ZC3HAV1: variants seen among roughly 807,000 people sequenced by gnomAD.
The protein encoded by ZC3HAV1 is zinc finger CCCH-type containing, antiviral 1, also known as zinc finger CCCH-type antiviral protein 1.
In ZC3HAV1, 41 loss-of-function variants were observed where a neutral mutation model predicts 86.6. That is an observed-to-expected ratio of 0.47 (90% CI 0.37 to 0.61). ZC3HAV1 has a LOEUF of 0.61. ZC3HAV1 is among the 20% of genes least tolerant of loss of function. The pLI is 0.00. For synonymous variants in ZC3HAV1, 421 were observed against 432.1 expected (o/e 0.97, Z 0.32); for missense variants, 964 against 1,141.1 (o/e 0.84, Z 2.24).
intron 3 of ZC3HAV1, among the ~76,000 whole-genome samples, chr7:139,082,943 A>T (rs932640173): frequency 6.6e-6 from 1 of 152,070 alleles, no homozygotes; most frequent in Non-Finnish European, 1.5e-5. Context: ...TCAATAATAA[A>T]TTTTCTGTAT....
chr7:139,106,788 A>T (rs530018504), intron 1 of ZC3HAV1, among the ~76,000 whole-genome samples: 2 of 151,756 alleles, frequency 1.3e-5, no homozygotes, highest in East Asian at 3.9e-4. Flanking sequence ...TTAATAAAAC[A>T]TAGTTCTTAT....
chr7:139,064,862 C>A lies in ZC3HAV1; in HGVS notation c.1993+17G>T. 1 of 1,614,026 alleles carries A rather than the reference C, an allele frequency of 6.2e-7. No individual in the cohort carries two copies. Among genetic ancestry groups the A allele is most frequent in the South Asian group, 1.1e-5 (1 of 91,074 alleles). On this transcript the variant is annotated intron_variant, in intron 8 of 12. Transcript: ENST00000242351. ...GGATTTCAATGACACACAACACTGC[C>A]AAACACAGAAACCCACCTTGGAAAC... is the stretch of plus-strand genomic sequence containing the variant.
chr7:139,073,849 T>C lies in ZC3HAV1; in HGVS notation c.1872+7A>G. The C allele has an allele frequency of 6.2e-7, 1 of 1,608,324 alleles. No homozygotes were observed. Among genetic ancestry groups the C allele is most frequent in the Non-Finnish European group, 8.5e-7 (1 of 1,176,488 alleles). ...AAGAGCCCCCTACAAGGAGGAACAG[T>C]GCTCACCTCTTCTCCATACTGAATC... is the stretch of plus-strand genomic sequence containing the variant. On this transcript the variant is annotated splice_region_variant and intron_variant, in intron 7 of 12. Transcript: ENST00000242351.
At position 139,058,030 on chromosome 7, in the gene ZC3HAV1, G is replaced by A. The variant is rs546906667; in HGVS notation, c.2097-2735C>T. Among the ~76,000 whole-genome samples the A allele has an allele frequency of 7.9e-5, 12 of 152,106 alleles. No homozygotes were observed. In the South Asian group the frequency reaches 1.2e-3, roughly 16 times the overall value. ...ATGCCCATGAACAGTGACGTGTGCC[G>A]TAGTTCACTTCTATGTCCCACTGTA... On this transcript the variant is annotated intron_variant, in intron 9 of 12. Transcript: ENST00000242351.
rs749443380 is a variant in ZC3HAV1 at position 139,109,215 on chromosome 7, C to T, written c.117G>A (p.Glu39=). The part of the protein sequence containing the change: ...EIALSEPQLC[E]VLQVAGPDRF... ...GGTCGGGCCCGGCCACCTGCAGCAC[C>T]TCACAGAGCTGCGGCTCAGACAGCG... Residue 39 remains glutamate, a synonymous_variant, in exon 1 of 13, where the codon GAG becomes GAA. Coordinates refer to ENST00000242351, the MANE Select transcript of ZC3HAV1 (RefSeq NM_020119.4). The T allele has an allele frequency of 5.6e-6, 9 of 1,609,842 alleles. No homozygotes were observed. The South Asian group carries it at 8.9e-5, about 16-fold the overall frequency.
chr7:139,082,383 T>C (rs997130747), intron 3 of ZC3HAV1, among the ~76,000 whole-genome samples: 10 of 151,370 alleles, frequency 6.6e-5, no homozygotes, highest in South Asian at 2.1e-4. Context: ...TTTGAACCCA[T>C]GTGCACTGCT....
intron 5 of ZC3HAV1, 29 bp downstream of exon 5, chr7:139,078,523 G>A: frequency 6.5e-7 from 1 of 1,532,154 alleles, no homozygotes. Flanking sequence ...AAAGGTGGAA[G>A]CTTACAGAAA....
Position 139,053,562 on chromosome 7 carries a change from C to G in ZC3HAV1, c.2338G>C (p.Glu780Gln), listed in dbSNP as rs1458989948. ...KFTWKKSQMK[E>Q]EGKLLFYATS... ...GCATAAAATAGGAGTTTTCCTTCTT[C>G]CTTCATCTGCGATTTCTTCCTAATA... is the stretch of plus-strand genomic sequence containing the variant. Residue 780 changes from glutamate (E) to glutamine (Q), a missense_variant, in exon 12 of 13, where the codon GAA becomes CAA. Physicochemically the swap from Glu to Gln is conservative, Grantham distance 29. Coordinates refer to ENST00000242351, the MANE Select transcript of ZC3HAV1 (RefSeq NM_020119.4). The G allele has an allele frequency of 2.5e-6, 4 of 1,598,398 alleles. No individual in the cohort carries two copies. Among genetic ancestry groups the G allele is most frequent in the Non-Finnish European group, 2.6e-6 (3 of 1,174,378 alleles).
In ZC3HAV1 at chr7:139,109,197, C is replaced by A. The variant is rs1466131959; in HGVS notation, c.135G>T (p.Gly45=). ...TCTCCAACACCACAAAGCGGTCGGG[C>A]CCGGCCACCTGCAGCACCTCACAGA... ...PQLCEVLQVA[G]PDRFVVLETG... Residue 45 remains glycine (G), a synonymous_variant, in exon 1 of 13, where the codon GGG becomes GGT. Transcript: ENST00000242351. The A allele has an allele frequency of 1.2e-6, 2 of 1,606,808 alleles. No homozygotes were observed. The highest frequency in any genetic ancestry group is 1.7e-5 in the Admixed American group (1 of 59,034).
intron 2 of ZC3HAV1, among the ~76,000 whole-genome samples, chr7:139,088,001 C>T (rs1431262655): frequency 8.1e-6 from 1 of 123,378 alleles, no homozygotes; most frequent in East Asian, 2.4e-4. Context: ...CATTGCACTA[C>T]AGCCCGGGTG....
chr7:139,070,646 AGAGCGAGACTCC>A (rs1816746108), intron 7 of ZC3HAV1, among the ~76,000 whole-genome samples: 1 of 140,990 alleles, frequency 7.1e-6, no homozygotes, highest in Non-Finnish European at 1.5e-5. Context: ...CCTGGGCGAC[AGAGCGAGACTCC>A]GTCTCAAAAA....
In ZC3HAV1 at chr7:139,076,318, G is replaced by A. The variant is rs770670780; in HGVS notation, c.1665C>T (p.Ile555=). 14 of 1,614,030 alleles carry A rather than the reference G, an allele frequency of 8.7e-6. No individual in the cohort carries two copies. Among genetic ancestry groups the A allele is most frequent in the East Asian group, 6.7e-5 (3 of 44,898 alleles). ...TWTDFEHMET[I]EKGYCNPGIH... Reference sequence around the variant, plus strand: ...TTCCGGGGTTACAGTAGCCTTTCTCGATCGTCTCCATGTGCTCAAAGTCCG... The same window carrying A: ...TTCCGGGGTTACAGTAGCCTTTCTCAATCGTCTCCATGTGCTCAAAGTCCG... Residue 555 remains isoleucine (I), a synonymous_variant, in exon 6 of 13, where the codon ATC becomes ATT. Transcript: ENST00000242351.
Position 139,083,872 on chromosome 7 carries a change from A to G in ZC3HAV1, c.605T>C (p.Met202Thr), listed in dbSNP as rs1299145475. The G allele has an allele frequency of 1.2e-6, 2 of 1,614,066 alleles. No individual in the cohort carries two copies. The highest frequency in any genetic ancestry group is 1.1e-5 in the South Asian group (1 of 91,074). The change falls in exon 3 of 13, where the codon ATG becomes ACG. Residue 202 changes from methionine to threonine, a missense_variant. By Grantham distance (81) the Met-to-Thr change is moderately conservative. Coordinates refer to ENST00000242351, the MANE Select transcript of ZC3HAV1 (RefSeq NM_020119.4). ...GTCGGGGTTCAGCCCGTGCTCCCTC[A>G]TGATGGCCAGCACCTTTCTGTCCAT... Reference protein sequence around the residue: ...NLMDRKVLAIMREHGLNPDVV... With the variant: ...NLMDRKVLAITREHGLNPDVV...
chr7:139,100,336 C>G (rs2130734521), intron 1 of ZC3HAV1, among the ~76,000 whole-genome samples: 1 of 152,000 alleles, frequency 6.6e-6, no homozygotes, highest in Non-Finnish European at 1.5e-5. Context: ...TCGAGACCAC[C>G]CTAGCGAACA....
At chr7:139,092,716 C>T (rs958893246) in intron 1 of ZC3HAV1, among the ~76,000 whole-genome samples, 2 of 152,240 alleles carry the variant, frequency 1.3e-5, no homozygotes, top group Admixed American at 6.5e-5. Context: ...AAAGTCAAAG[C>T]TAGCCCATGC....
In ZC3HAV1 at chr7:139,059,000, C is replaced by T. The variant is rs78548748; in HGVS notation, c.2096+2036G>A. ...TGAATTGTTAAAAAATCAAAATTAC[C>T]GGAACTTTAAAAAAAAAAATGCAGT... On this transcript the variant is annotated intron_variant, in intron 9 of 12. Coordinates refer to ENST00000242351, the MANE Select transcript of ZC3HAV1 (RefSeq NM_020119.4). 8.5e-3 allele frequency among the ~76,000 whole-genome samples: 1,191 copies of T among 140,702 alleles called. 16 individuals are homozygous for T. Among genetic ancestry groups the T allele is most frequent in the African/African-American group, 0.03 (1,118 of 36,792 alleles). 92.3% of individuals were successfully genotyped at this position (140,702 alleles called of 152,430 possible).
chr7:139,054,204 T>A, intron 10 of ZC3HAV1, 109 bp from the exon 11 acceptor site: 1 of 1,122,072 alleles, frequency 8.9e-7, no homozygotes, highest in Non-Finnish European at 1.2e-6. Flanking sequence ...GGGTTCTTTC[T>A]AACAGCAGAT....
At chr7:139,054,599 A>G (rs1170671446) in intron 10 of ZC3HAV1, among the ~76,000 whole-genome samples, 1 of 152,248 alleles carries the variant, frequency 6.6e-6, no homozygotes, top group Non-Finnish European at 1.5e-5. Flanking sequence ...TTTCTTGTCC[A>G]TAAAATAGAG....
At chr7:139,076,091 C>A (rs542127083) in intron 6 of ZC3HAV1, among the ~76,000 whole-genome samples, 195 bp downstream of exon 6, 1 of 152,196 alleles carries the variant, frequency 6.6e-6, no homozygotes, top group African/African-American at 2.4e-5. Context: ...CTCAGTGTGA[C>A]CTCAAACCCA....
Sources: gnomAD v4.1 joint callset for allele counts (sites outside exome capture counted in the v4.1 genomes callset) on GRCh38, gnomAD v4.1.1 for gene constraint, MANE v1.5 for transcripts, NCBI Gene and HGNC (gene_info 2026-07-23, HGNC 2026-07-21) for gene names.